Variants in DCTN4 observed in about 807,000 individuals in gnomAD.
The protein encoded by DCTN4 is dynactin 4 (p62).
In DCTN4, 23 loss-of-function variants were observed where a neutral mutation model predicts 62.7. That is an observed-to-expected ratio of 0.37 (90% CI 0.26 to 0.52). The LOEUF is 0.52. DCTN4 is among the 20% of genes least tolerant of loss of function. The pLI is 0.92. For synonymous variants in DCTN4, 199 were observed against 202.1 expected (o/e 0.98, Z 0.13); for missense variants, 514 against 580.4 (o/e 0.89, Z 1.18).
intron 1 of DCTN4, chr5:150,758,136 C>A: frequency 3.0e-6 from 3 of 985,546 alleles, no homozygotes; most frequent in Non-Finnish European, 3.6e-6. Context: ...CTAAAGCTTA[C>A]TGAATAAACA....
intron 3 of DCTN4, among the ~76,000 whole-genome samples, chr5:150,751,495 A>G (rs184889874): frequency 2.6e-3 from 398 of 152,268 alleles, no homozygotes; most frequent in Non-Finnish European, 4.7e-3. Context: ...AAAAGACACA[A>G]AATACAAACA....
chr5:150,739,240 G>A (rs1204966310), intron 4 of DCTN4, among the ~76,000 whole-genome samples: 3 of 150,284 alleles, frequency 2.0e-5, no homozygotes, highest in African/African-American at 7.3e-5. Context: ...TCAATGTACA[G>A]AAATCAGTAG....
intron 5 of DCTN4, among the ~76,000 whole-genome samples, chr5:150,732,978 C>T (rs1760440663): frequency 6.6e-6 from 1 of 152,224 alleles, no homozygotes; most frequent in South Asian, 2.1e-4. Flanking sequence ...GAAACCACTA[C>T]TGCCAGGATG....
At chr5:150,749,365 T>C (rs1344726098) in intron 3 of DCTN4, among the ~76,000 whole-genome samples, 1 of 152,086 alleles carries the variant, frequency 6.6e-6, no homozygotes, top group African/African-American at 2.4e-5. Context: ...ACAAACACAA[T>C]GAGAAAATGC....
At chr5:150,758,804 C>A in intron 1 of DCTN4, 55 bp downstream of exon 1, 2 of 1,600,318 alleles carry the variant, frequency 1.2e-6, no homozygotes, top group Non-Finnish European at 8.5e-7. Flanking sequence ...CAGTGACTAG[C>A]ATGAACGCCG....
chr5:150,730,104 TG>T (rs889094843), intron 8 of DCTN4, among the ~76,000 whole-genome samples: 12 of 152,216 alleles, frequency 7.9e-5, no homozygotes, highest in African/African-American at 2.9e-4. Context: ...ATGTGCCTAG[TG>T]GCTATCATGC....
rs17111322 is a variant in DCTN4, at chr5:150,758,506, T to A, written c.135+353A>T. The A allele has an allele frequency of 2.8e-3, 2,821 of 1,004,384 alleles. 53 individuals carry two copies. In the African/African-American group the frequency reaches 0.039, roughly 14 times the overall value. The allele number at this position is 1,004,384 out of a possible 1,614,324, so 62.2% of individuals were successfully genotyped here. A position where few individuals can be genotyped will look rare whatever the true frequency, so the allele number is the denominator to read the frequency against. ...CGCCTCCCTCCATCCTCGCAATAAA[T>A]CCTGGAAAGGCAGTTTTTCGCCCCT... On this transcript the variant is annotated intron_variant, in intron 1 of 12. Coordinates refer to ENST00000447998, the MANE Select transcript of DCTN4 (RefSeq NM_016221.4).
chr5:150,730,291 A>C (rs1012589773), intron 8 of DCTN4, among the ~76,000 whole-genome samples: 3 of 152,022 alleles, frequency 2.0e-5, no homozygotes, highest in African/African-American at 7.3e-5. Flanking sequence ...CTTTCTTTTA[A>C]ATTGATTATT....
intron 4 of DCTN4, among the ~76,000 whole-genome samples, chr5:150,735,523 C>T (rs888940184): frequency 3.3e-5 from 5 of 152,140 alleles, no homozygotes; most frequent in African/African-American, 9.7e-5. Flanking sequence ...AGTACCAGCT[C>T]GGAGACTGAT....
intron 4 of DCTN4, among the ~76,000 whole-genome samples, chr5:150,736,713 C>T (rs150179845): frequency 6.6e-6 from 1 of 152,090 alleles, no homozygotes; most frequent in African/African-American, 2.4e-5. Context: ...AAAAAAAAAT[C>T]TAAGTATTCA....
chr5:150,748,844 GA>G (rs1752561218), intron 3 of DCTN4, among the ~76,000 whole-genome samples: 1 of 147,044 alleles, frequency 6.8e-6, no homozygotes, highest in African/African-American at 2.5e-5. Context: ...GCTAAATGAC[GA>G]GTTAATGGGT....
chr5:150,719,090 G>A (rs2151472324), intron 10 of DCTN4, among the ~76,000 whole-genome samples: 1 of 152,246 alleles, frequency 6.6e-6, no homozygotes, highest in Admixed American at 6.5e-5. Flanking sequence ...AAAGTGCTGG[G>A]ATTACAGGTA....
chr5:150,755,626 ACCAGTACT>A, intron 2 of DCTN4: 1 of 455,424 alleles, frequency 2.2e-6, no homozygotes. Context: ...AAAATACCTC[ACCAGTACT>A]CCTCAATACT....
chr5:150,757,705 ATTAT>A (rs373364762), intron 1 of DCTN4, among the ~76,000 whole-genome samples: 18 of 152,338 alleles, frequency 1.2e-4, no homozygotes, highest in African/African-American at 4.1e-4. Flanking sequence ...TTTTTCTTGT[ATTAT>A]TTAATTGCTT....
chr5:150,748,076 A>G (rs1217532394), intron 3 of DCTN4, among the ~76,000 whole-genome samples: 1 of 151,982 alleles, frequency 6.6e-6, no homozygotes, highest in South Asian at 2.1e-4. Context: ...TCTACAATGA[A>G]CTCAAACAAA....
chr5:150,717,788 A>G (rs747863413), intron 11 of DCTN4, among the ~76,000 whole-genome samples: 8 of 152,198 alleles, frequency 5.3e-5, no homozygotes, highest in Non-Finnish European at 1.0e-4. Flanking sequence ...CAAAGTTTAT[A>G]ACCCATTGGA....
At chr5:150,747,663 G>C (rs773946843) in intron 3 of DCTN4, among the ~76,000 whole-genome samples, 1 of 151,044 alleles carries the variant, frequency 6.6e-6, no homozygotes, top group Non-Finnish European at 1.5e-5. Flanking sequence ...GATCTTTGAC[G>C]AACCTGAGAA....
intron 4 of DCTN4, among the ~76,000 whole-genome samples, chr5:150,734,714 G>A (rs1760512228): frequency 6.6e-6 from 1 of 152,240 alleles, no homozygotes; most frequent in Admixed American, 6.5e-5. Context: ...AAGGGGCGGA[G>A]TCCAAAAGGC....
chr5:150,758,441 A>G (rs1168393106), intron 1 of DCTN4: 12 of 991,718 alleles, frequency 1.2e-5, no homozygotes, highest in Non-Finnish European at 1.1e-5. Flanking sequence ...AAAGAGGAAC[A>G]GAACTTTCAG....
Sources: gnomAD v4.1 joint callset for allele counts (sites outside exome capture counted in the v4.1 genomes callset) on GRCh38, gnomAD v4.1.1 for gene constraint, MANE v1.5 for transcripts, NCBI Gene and HGNC (gene_info 2026-07-23, HGNC 2026-07-21) for gene names.